The following EHBP1 variants were observed in gnomAD, a reference collection of about 807,000 sequenced individuals.
EHBP1 encodes the protein EH domain binding protein 1, also known as EH domain-binding protein 1.
Under a neutral mutation model 144.0 loss-of-function variants are expected in EHBP1, and 55 were observed. That is an observed-to-expected ratio of 0.38 (90% CI 0.31 to 0.48). The LOEUF is 0.48. EHBP1 is among the 20% of genes least tolerant of loss of function. The pLI, the probability that EHBP1 is intolerant of heterozygous loss-of-function variation, is 0.98. For missense variants in EHBP1, 1,200 were observed against 1,364.2 expected, an observed-to-expected ratio of 0.88 and a Z score of 1.90; for synonymous variants, 469 against 472.7, an observed-to-expected ratio of 0.99 and a Z score of 0.10.
intron 5 of EHBP1, among the ~76,000 whole-genome samples, chr2:62,801,832 T>G (rs1247074505): frequency 6.6e-6 from 1 of 152,230 alleles, no homozygotes; most frequent in Non-Finnish European, 1.5e-5. Flanking sequence ...ATTTGTACAT[T>G]CATTCACCAA....
At chr2:62,999,304 A>ACTATATTCAG (rs1159084008) in intron 19 of EHBP1, among the ~76,000 whole-genome samples, 1 of 152,164 alleles carries the variant, frequency 6.6e-6, no homozygotes, top group Non-Finnish European at 1.5e-5. Context: ...GTAGATACTG[A>ACTATATTCAG]CTATATTCAG....
intron 18 of EHBP1, among the ~76,000 whole-genome samples, chr2:62,995,224 G>C (rs1426170338): frequency 6.6e-6 from 1 of 151,886 alleles, no homozygotes; most frequent in Non-Finnish European, 1.5e-5. Context: ...TGAGATGGAA[G>C]AATATCCATT....
intron 7 of EHBP1, among the ~76,000 whole-genome samples, chr2:62,849,701 C>A: frequency 6.6e-6 from 1 of 152,130 alleles, no homozygotes; most frequent in African/African-American, 2.4e-5. Context: ...TCATTCGGTT[C>A]ATTCATTCAT....
At chr2:62,920,297 G>A (rs1443048322) in intron 10 of EHBP1, among the ~76,000 whole-genome samples, 4 of 152,124 alleles carry the variant, frequency 2.6e-5, no homozygotes, top group African/African-American at 4.8e-5. Flanking sequence ...TTTGAGACCA[G>A]AAGGCAGTAG....
chr2:62,879,295 T>G (rs1448785440), intron 10 of EHBP1, among the ~76,000 whole-genome samples: 1 of 151,938 alleles, frequency 6.6e-6, no homozygotes. Context: ...AGCCAGAGCA[T>G]TCACACAAGA....
chr2:62,717,453 A>G (rs543485545), intron 2 of EHBP1, among the ~76,000 whole-genome samples: 1 of 152,226 alleles, frequency 6.6e-6, no homozygotes, highest in Non-Finnish European at 1.5e-5. Flanking sequence ...CTCAATAGGG[A>G]TGTTCATATT....
chr2:62,712,793 G>T lies in EHBP1; in HGVS notation c.104+5498G>T, dbSNP rs149805253. On this transcript the variant is annotated intron_variant, in intron 2 of 22. Transcript: ENST00000431489. ...GGAGCTGGAAAGATGGGAGGTGGAA[G>T]AGTGTGAGATGCTTGATTTTGAGGA... is the stretch of plus-strand genomic sequence containing the variant. Among the ~76,000 whole-genome samples the T allele has an allele frequency of 2.2e-3, 328 of 152,272 alleles. 2 individuals are homozygous for T. Among genetic ancestry groups the T allele is most frequent in the African/African-American group, 7.7e-3 (320 of 41,556 alleles).
At chr2:62,693,625 C>A (rs1174247878) in intron 1 of EHBP1, among the ~76,000 whole-genome samples, 1 of 152,102 alleles carries the variant, frequency 6.6e-6, no homozygotes, top group East Asian at 1.9e-4. Context: ...TTTGTGTTGG[C>A]AACATTCTAA....
At chr2:62,732,424 G>A (rs1456320464) in intron 2 of EHBP1, among the ~76,000 whole-genome samples, 1 of 152,138 alleles carries the variant, frequency 6.6e-6, no homozygotes, top group Non-Finnish European at 1.5e-5. Context: ...CTCGTGTTCA[G>A]TTGTAATCCC....
chr2:62,757,426 C>CTTTT (rs555494268), intron 3 of EHBP1, among the ~76,000 whole-genome samples: 4 of 113,038 alleles, frequency 3.5e-5, no homozygotes, highest in Admixed American at 8.9e-5. Context: ...TTTTTTTTTT[C>CTTTT]TTTTTTTTTT....
chr2:62,802,372 G>A (rs992482254), intron 5 of EHBP1, among the ~76,000 whole-genome samples: 3 of 152,172 alleles, frequency 2.0e-5, no homozygotes, highest in African/African-American at 7.2e-5. Context: ...TGATGCATAG[G>A]AAAGCCTCTC....
intron 5 of EHBP1, among the ~76,000 whole-genome samples, chr2:62,791,163 C>T (rs1433412338): frequency 2.0e-5 from 3 of 151,976 alleles, no homozygotes; most frequent in Admixed American, 6.6e-5. Flanking sequence ...TCTTCACTCC[C>T]AGACTGAGGT....
chr2:62,690,659 C>A (rs542546074), intron 1 of EHBP1, among the ~76,000 whole-genome samples: 30 of 152,120 alleles, frequency 2.0e-4, no homozygotes, highest in African/African-American at 6.0e-4. Context: ...GCTCTCATAA[C>A]CAAGAATGGA....
At chr2:62,858,399 T>C (rs368882765) in intron 7 of EHBP1, 9 of 1,585,808 alleles carry the variant, frequency 5.7e-6, no homozygotes, top group Non-Finnish European at 7.8e-6. Context: ...CTGGCTTCTG[T>C]TTACAGAAAT....
intron 8 of EHBP1, among the ~76,000 whole-genome samples, chr2:62,863,837 G>GT (rs1354945636): frequency 0.19 from 13,779 of 73,584 alleles, 3,299 homozygotes; most frequent in Non-Finnish European, 0.25. Context: ...ATTTTTCTGT[G>GT]TTGTTTTTTT....
At chr2:62,676,893 G>C (rs1017588902) in intron 1 of EHBP1, among the ~76,000 whole-genome samples, 2 of 152,190 alleles carry the variant, frequency 1.3e-5, no homozygotes, top group African/African-American at 4.8e-5. Context: ...TTGAAGGATA[G>C]CCAGGTGTGA....
At chr2:62,926,727 T>C (rs1211683282) in intron 10 of EHBP1, among the ~76,000 whole-genome samples, 1 of 152,050 alleles carries the variant, frequency 6.6e-6, no homozygotes, top group Non-Finnish European at 1.5e-5. Flanking sequence ...AGGAAACTCT[T>C]AGATACTGTT....
At chr2:62,883,730 G>A (rs368702950) in intron 10 of EHBP1, among the ~76,000 whole-genome samples, 342 of 152,292 alleles carry the variant, frequency 2.2e-3, no homozygotes, top group Non-Finnish European at 4.0e-3. Context: ...TTGGGAGGCC[G>A]AGGCAGGAGG....
chr2:62,764,488 G>A, intron 4 of EHBP1, 127 bp downstream of exon 4: 4 of 564,818 alleles, frequency 7.1e-6, no homozygotes, highest in Non-Finnish European at 1.1e-5. Flanking sequence ...TTATTTTTAG[G>A]GACATAGCAA....
Sources: allele counts gnomAD v4.1 joint callset (sites outside exome capture counted in the v4.1 genomes callset), GRCh38; gene constraint gnomAD v4.1.1; transcripts MANE v1.5; gene names NCBI Gene and HGNC (gene_info 2026-07-23, HGNC 2026-07-21).